Variants in NETO1 observed in about 807,000 individuals in gnomAD.
NETO1 encodes the protein neuropilin and tolloid like 1.
A neutral mutation model predicts 61.3 loss-of-function variants in NETO1; 26 were observed. The observed-to-expected ratio is 0.42, with a 90% confidence interval of 0.31 to 0.59. NETO1 has a LOEUF of 0.59. Among genes scored for constraint, NETO1 ranks in the 20% least tolerant of loss-of-function variants. The pLI is 0.12. For missense variants in NETO1, 531 were observed against 662.8 expected (o/e 0.80, Z 2.18); for synonymous variants, 225 against 225.8 (o/e 1.00, Z 0.03).
Position 72,832,046 on chromosome 18 carries a change from G to A in NETO1, c.469+26780C>T, listed in dbSNP as rs559302372. Among the ~76,000 whole-genome samples, 123 of 152,220 alleles carry A rather than the reference G, an allele frequency of 8.1e-4. 1 individual carries two copies. The South Asian group carries it at 0.023, about 28-fold the overall frequency. ...ATGACAAAATCACATGGTACTCCCT[G>A]TTTCCCTAAGTAGGATATAAATAGT... On this transcript the variant is annotated intron_variant, in intron 4 of 10. Transcript: ENST00000327305.
intron 10 of NETO1, among the ~76,000 whole-genome samples, chr18:72,748,753 T>G (rs1254676866): frequency 6.6e-6 from 1 of 152,122 alleles, no homozygotes. Context: ...AAGTTTAGAT[T>G]ATTAATTTGA....
chr18:72,827,357 A>G (rs1177141802), intron 4 of NETO1, among the ~76,000 whole-genome samples: 1 of 152,154 alleles, frequency 6.6e-6, no homozygotes, highest in Non-Finnish European at 1.5e-5. Context: ...CAGCAACTGC[A>G]GAATGACCCT....
At chr18:72,858,324 T>C (rs1183199784) in intron 4 of NETO1, among the ~76,000 whole-genome samples, 1 of 152,140 alleles carries the variant, frequency 6.6e-6, no homozygotes, top group Non-Finnish European at 1.5e-5. Flanking sequence ...CAGTTTTCCT[T>C]TCATCAAAAC....
intron 4 of NETO1, among the ~76,000 whole-genome samples, chr18:72,837,108 A>T (rs574466959): frequency 6.6e-6 from 1 of 152,310 alleles, no homozygotes; most frequent in East Asian, 1.9e-4. Flanking sequence ...ATTATTGTTC[A>T]ACAGAATAAT....
At chr18:72,791,051 C>T (rs1046266407) in intron 6 of NETO1, among the ~76,000 whole-genome samples, 1 of 152,136 alleles carries the variant, frequency 6.6e-6, no homozygotes, top group Non-Finnish European at 1.5e-5. Flanking sequence ...ATTATCCTGA[C>T]TCAGTTTATT....
intron 6 of NETO1, among the ~76,000 whole-genome samples, chr18:72,791,933 T>C (rs1455011052): frequency 6.6e-6 from 1 of 152,084 alleles, no homozygotes; most frequent in East Asian, 1.9e-4. Context: ...AGAAGAAAAA[T>C]AACTGTCTTT....
chr18:72,854,185 C>T (rs1448570525), intron 4 of NETO1, among the ~76,000 whole-genome samples: 1 of 152,142 alleles, frequency 6.6e-6, no homozygotes, highest in Non-Finnish European at 1.5e-5. Flanking sequence ...CAAAAAGTCC[C>T]TAAAACACTT....
intron 4 of NETO1, among the ~76,000 whole-genome samples, chr18:72,822,764 T>C (rs2073241623): frequency 6.6e-6 from 1 of 152,186 alleles, no homozygotes; most frequent in Non-Finnish European, 1.5e-5. Flanking sequence ...TAATCTTGTT[T>C]ATAAATTGTT....
intron 7 of NETO1, among the ~76,000 whole-genome samples, chr18:72,775,243 T>C (rs1366353305): frequency 6.6e-6 from 1 of 152,222 alleles, no homozygotes; most frequent in Non-Finnish European, 1.5e-5. Context: ...TTTACTGGCA[T>C]TAGATAAATT....
At chr18:72,797,370 T>C (rs888147767) in intron 4 of NETO1, among the ~76,000 whole-genome samples, 3 of 152,214 alleles carry the variant, frequency 2.0e-5, no homozygotes, top group Admixed American at 6.5e-5. Flanking sequence ...AACAAAACTT[T>C]ATGAAAAAAA....
chr18:72,822,691 A>T (rs1164951924), intron 4 of NETO1, among the ~76,000 whole-genome samples: 1 of 152,216 alleles, frequency 6.6e-6, no homozygotes, highest in Non-Finnish European at 1.5e-5. Context: ...TGTTGTTTTC[A>T]AAACAAGTGG....
chr18:72,793,743 A>C (rs755745750), intron 6 of NETO1, among the ~76,000 whole-genome samples: 3 of 152,204 alleles, frequency 2.0e-5, no homozygotes, highest in Admixed American at 6.5e-5. Context: ...AAAAACGTCT[A>C]CAGATAGAAT....
intron 7 of NETO1, among the ~76,000 whole-genome samples, chr18:72,760,406 T>C (rs2070932054): frequency 6.6e-6 from 1 of 152,164 alleles, no homozygotes; most frequent in African/African-American, 2.4e-5. Flanking sequence ...AGAGTACTTC[T>C]CCACACACAT....
At chr18:72,757,615 A>G (rs1272428410) in intron 7 of NETO1, among the ~76,000 whole-genome samples, 1 of 152,122 alleles carries the variant, frequency 6.6e-6, no homozygotes, top group East Asian at 1.9e-4. Context: ...AATATGTAGT[A>G]GTCATTTTGA....
At chr18:72,742,960 C>T (rs2070365532), downstream of NETO1, among the ~76,000 whole-genome samples, 1 of 152,148 alleles carries the variant, frequency 6.6e-6, no homozygotes. Context: ...TATTCCTGGA[C>T]ATCTAACAAT....
chr18:72,855,790 T>C (rs882519), intron 4 of NETO1, among the ~76,000 whole-genome samples: 42,007 of 152,116 alleles, frequency 0.28, 6,171 homozygotes, highest in East Asian at 0.57. Flanking sequence ...CTGGGACCCA[T>C]GGCTGTGTGG....
intron 7 of NETO1, among the ~76,000 whole-genome samples, chr18:72,764,405 A>G (rs1203833109): frequency 6.6e-6 from 1 of 152,102 alleles, no homozygotes; most frequent in Non-Finnish European, 1.5e-5. Flanking sequence ...TAGCATACTT[A>G]CTTTTATTTA....
At chr18:72,863,311 C>G (rs2074636520) in intron 3 of NETO1, among the ~76,000 whole-genome samples, 1 of 152,164 alleles carries the variant, frequency 6.6e-6, no homozygotes, top group South Asian at 2.1e-4. Flanking sequence ...AGAATAATGC[C>G]TTCCCTGGAC....
At chr18:72,852,496 T>C (rs1414823588) in intron 4 of NETO1, among the ~76,000 whole-genome samples, 1 of 152,110 alleles carries the variant, frequency 6.6e-6, no homozygotes, top group Non-Finnish European at 1.5e-5. Context: ...ATTACAGGCG[T>C]GAGCCACCGT....
Sources: allele counts gnomAD v4.1 joint callset (sites outside exome capture counted in the v4.1 genomes callset), GRCh38; gene constraint gnomAD v4.1.1; transcripts MANE v1.5; gene names NCBI Gene and HGNC (gene_info 2026-07-23, HGNC 2026-07-21).